The following EIF4ENIF1 variants were observed in gnomAD, a reference collection of about 807,000 sequenced individuals.
EIF4ENIF1 encodes eukaryotic translation initiation factor 4E nuclear import factor 1.
EIF4ENIF1 carries 23 observed loss-of-function variants against 110.5 expected under a neutral mutation model. The ratio of observed to expected loss-of-function variants is 0.21; its 90% CI spans 0.15 to 0.29. EIF4ENIF1 has a LOEUF of 0.29. Ranked by LOEUF, EIF4ENIF1 falls within the 10% of genes least tolerant of loss-of-function variation. EIF4ENIF1 has a pLI of 1.00. For missense variants in EIF4ENIF1, 1,031 were observed against 1,221.1 expected (o/e 0.84, Z 2.32); for synonymous variants, 440 against 437.0 (o/e 1.01, Z -0.09).
chr22:31,474,351 G>T (rs1326004020), intron 2 of EIF4ENIF1, among the ~76,000 whole-genome samples: 1 of 152,116 alleles, frequency 6.6e-6, no homozygotes, highest in Non-Finnish European at 1.5e-5. Flanking sequence ...GTGAGCCACC[G>T]TGCCCGGCTG....
chr22:31,478,119 A>C (rs571240288), intron 2 of EIF4ENIF1, among the ~76,000 whole-genome samples: 119 of 152,290 alleles, frequency 7.8e-4, no homozygotes, highest in Non-Finnish European at 1.5e-3. Context: ...TTACAGCACT[A>C]AATGTGTTAC....
chr22:31,491,988 T>C (rs540821254), upstream of EIF4ENIF1, among the ~76,000 whole-genome samples: 113 of 152,344 alleles, frequency 7.4e-4, 1 homozygote, highest in South Asian at 2.9e-3. Context: ...GGCTGGTTTC[T>C]GATCCATTCA....
intron 4 of EIF4ENIF1, among the ~76,000 whole-genome samples, chr22:31,465,161 T>TA (rs1157129558): frequency 1.3e-5 from 2 of 151,638 alleles, no homozygotes; most frequent in Non-Finnish European, 2.9e-5. Flanking sequence ...TCGTCTCTAC[T>TA]AAAAATACAA....
chr22:31,473,864 G>T (rs2051476721), intron 2 of EIF4ENIF1, among the ~76,000 whole-genome samples: 1 of 152,074 alleles, frequency 6.6e-6, no homozygotes, highest in South Asian at 2.1e-4. Flanking sequence ...AAATATCTTG[G>T]TCTTCAGTTT....
rs201733045 is a variant in EIF4ENIF1 at position 31,458,380 on chromosome 22, CA to C, written c.963+94del. 92 of 1,148,088 alleles carry C rather than the reference CA, an allele frequency of 8.0e-5. No individual in the cohort carries two copies. In the East Asian group the frequency reaches 2.1e-3, roughly 27 times the overall value. 71.1% of individuals were successfully genotyped at this position (1,148,088 alleles called of 1,614,324 possible). On this transcript the variant is annotated intron_variant, in intron 7 of 18. Coordinates refer to ENST00000330125, the MANE Select transcript of EIF4ENIF1 (RefSeq NM_019843.4). ...ATGTAAGAATAAAAGCCAAAAACCC[CA>C]AAAGCATCTAGCAAAACAACACTTT...
At chr22:31,448,041 G>T in intron 13 of EIF4ENIF1, 112 bp downstream of exon 13, 1 of 1,194,408 alleles carries the variant, frequency 8.4e-7, no homozygotes, top group Non-Finnish European at 1.2e-6. Flanking sequence ...GAGCCACTAT[G>T]CCTGGCCTCA....
At position 31,463,772 on chromosome 22, in the gene EIF4ENIF1, G is replaced by T; in HGVS notation, c.494C>A (p.Thr165Asn). ...IGSGRIISAR[T>N]FEKDHRLSDK... is the part of the protein sequence containing the mutation. ...GCTAAGACGGTGATCCTTCTCAAAG[G>T]TCCGGGCAGAGATTATCCTCCCACT... Residue 165 changes from threonine (T) to asparagine (N), a missense_variant, in exon 5 of 19, where the codon ACC becomes AAC. Physicochemically the swap from Thr to Asn is moderately conservative, Grantham distance 65. Coordinates refer to ENST00000330125, the MANE Select transcript of EIF4ENIF1 (RefSeq NM_019843.4). 3.1e-6 allele frequency: 5 copies of T among 1,613,598 alleles called. No homozygotes were observed. The highest frequency in any genetic ancestry group is 4.2e-6 in the Non-Finnish European group (5 of 1,179,996).
Position 31,442,032 on chromosome 22 carries a change from A to C in EIF4ENIF1, c.2293T>G (p.Ser765Ala), listed in dbSNP as rs747118323. The change falls in exon 17 of 19, where the codon TCT becomes GCT. Residue 765 changes from serine (S) to alanine (A), a missense_variant. By Grantham distance (99) the Ser-to-Ala change is moderately conservative (BLOSUM62 1). Coordinates refer to ENST00000330125, the MANE Select transcript of EIF4ENIF1 (RefSeq NM_019843.4). ...TNSKLSALQR[S>A]SCSTPLSQAN... The stretch of plus-strand genomic sequence containing the variant: ...TGGGACAGTGGGGTGGAACACGAAG[A>C]CCTCTGTAATGCTGACAGTTTGGAA... The C allele has an allele frequency of 2.5e-6, 4 of 1,613,814 alleles. No homozygotes were observed. The highest frequency in any genetic ancestry group is 3.4e-6 in the Non-Finnish European group (4 of 1,179,984).
At chr22:31,450,893 A>C (rs551537496) in intron 10 of EIF4ENIF1, 1 of 154,750 alleles carries the variant, frequency 6.5e-6, no homozygotes, top group African/African-American at 2.8e-5. Context: ...ACACACACAC[A>C]CAAAAGAGAC....
At position 31,468,194 on chromosome 22, in the gene EIF4ENIF1, G is replaced by T. The variant is rs139364846; in HGVS notation, c.279C>A (p.Ser93=). The change falls in exon 4 of 19, where the codon TCC becomes TCA. Residue 93 remains serine (S), a synonymous_variant. Transcript: ENST00000330125. Reference sequence around the variant, plus strand: ...GCTCACCTACTATCCTGCGCACCAGGGAAGGCCGGTCTGTATCCAACTCTT... The same window carrying T: ...GCTCACCTACTATCCTGCGCACCAGTGAAGGCCGGTCTGTATCCAACTCTT... The part of the protein sequence containing the change: ...LKKELDTDRP[S]LVRRIVDPRE... 61 of 1,613,948 alleles carry T rather than the reference G, an allele frequency of 3.8e-5. No individual in the cohort carries two copies. The African/African-American group carries it at 7.5e-4, about 20-fold the overall frequency.
In EIF4ENIF1 at chr22:31,488,758, T is replaced by C; in HGVS notation, c.-27-13A>G. ...CAATGCTCTGCACCTGGAAGATAAA[T>C]CGGCACAAAATTGTCACCGAGAACA... On this transcript the variant is annotated splice_polypyrimidine_tract_variant and intron_variant, in intron 1 of 18. Coordinates refer to ENST00000330125, the MANE Select transcript of EIF4ENIF1 (RefSeq NM_019843.4). 6.3e-7 allele frequency: 1 copy of C among 1,589,958 alleles called. No individual in the cohort carries two copies. The highest frequency in any genetic ancestry group is 8.5e-7 in the Non-Finnish European group (1 of 1,170,496).
chr22:31,462,874 C>T (rs1253325634), intron 6 of EIF4ENIF1, 58 bp downstream of exon 6: 28 of 1,567,246 alleles, frequency 1.8e-5, no homozygotes, highest in South Asian at 3.4e-5. Flanking sequence ...TGAGCCACCA[C>T]GCCCAGCCTA....
chr22:31,479,561 AT>A (rs1487627630), intron 2 of EIF4ENIF1: 3 of 151,930 alleles, frequency 2.0e-5, no homozygotes, highest in African/African-American at 4.8e-5. Context: ...CCTTTGGGAT[AT>A]TTTCAAAGAA....
At chr22:31,474,111 G>A (rs2051487102) in intron 2 of EIF4ENIF1, among the ~76,000 whole-genome samples, 1 of 151,236 alleles carries the variant, frequency 6.6e-6, no homozygotes, top group East Asian at 1.9e-4. Flanking sequence ...AGGCTGGAGT[G>A]CACTGGCGCA....
intron 14 of EIF4ENIF1, 34 bp downstream of exon 14, chr22:31,447,392 G>A (rs528492001): frequency 1.0e-5 from 16 of 1,604,588 alleles, no homozygotes; most frequent in Admixed American, 7.0e-5. Flanking sequence ...AAACTTATCC[G>A]TAAATCTCCA....
At chr22:31,438,075 G>A (rs1019306181), downstream of EIF4ENIF1, among the ~76,000 whole-genome samples, 3 of 152,048 alleles carry the variant, frequency 2.0e-5, no homozygotes, top group Admixed American at 1.3e-4. Flanking sequence ...CCTAACAAAC[G>A]GTCAAGACTT....
rs770973040 is a variant in EIF4ENIF1, at chr22:31,450,335, G to T, written c.1538C>A (p.Ser513Tyr). The T allele has an allele frequency of 6.2e-7, 1 of 1,613,518 alleles. No individual in the cohort carries two copies. The highest frequency in any genetic ancestry group is 1.1e-5 in the South Asian group (1 of 91,070). The change falls in exon 11 of 19, where the codon TCC becomes TAC. Residue 513 changes from serine to tyrosine, a missense_variant. Around this residue, in one of 3 missense-constraint regions of EIF4ENIF1, gnomAD observed 704 missense variants for 879.7 expected, o/e 0.80. Transcript: ENST00000330125. Reference sequence around the variant, plus strand: ...AGGCTGGCCTGGAATCTCAGCAGGGGACATCAAATGGCTTTCAAGGTTTCG... The same window carrying T: ...AGGCTGGCCTGGAATCTCAGCAGGGTACATCAAATGGCTTTCAAGGTTTCG... ...VSRNLESHLM[S>Y]PAEIPGQPVP...
At chr22:31,471,317 C>CTT (rs58233170) in intron 3 of EIF4ENIF1, among the ~76,000 whole-genome samples, 10,304 of 140,604 alleles carry the variant, frequency 0.073, 643 homozygotes, top group East Asian at 0.34. Context: ...GGGTTCAAGT[C>CTT]TTTTTTTTTT....
intron 18 of EIF4ENIF1, 86 bp from the exon 19 acceptor site, chr22:31,440,207 A>G: frequency 6.3e-7 from 1 of 1,584,772 alleles, no homozygotes; most frequent in Non-Finnish European, 8.6e-7. Context: ...TCCAAAGAAA[A>G]GTCTTTACTA....
Sources: gnomAD v4.1 joint callset for allele counts (sites outside exome capture counted in the v4.1 genomes callset) on GRCh38, gnomAD v4.1.1 for gene constraint, gnomAD v4.1.1 regional missense constraint, MANE v1.5 for transcripts, NCBI Gene and HGNC (gene_info 2026-07-23, HGNC 2026-07-21) for gene names.